KCNN2: variants seen among roughly 807,000 people sequenced by gnomAD.
The protein encoded by KCNN2 is potassium calcium-activated channel subfamily N member 2.
Under a neutral mutation model 55.5 loss-of-function variants are expected in KCNN2, and 24 were observed. That is an observed-to-expected ratio of 0.43 (90% confidence interval 0.31 to 0.61). The LOEUF is 0.61. Among genes scored for constraint, KCNN2 ranks in the 20% least tolerant of loss-of-function variants. The probability of loss-of-function intolerance (pLI) is 0.08; values close to 1 mark genes in which losing one functional copy is unlikely to be tolerated. For missense variants in KCNN2, 754 were observed against 853.6 expected (o/e 0.88, Z 1.45); for synonymous variants, 431 against 336.1 (o/e 1.28, Z -3.09).
At chr5:114,176,891 G>T (rs963821980) in intron 1 of KCNN2, among the ~76,000 whole-genome samples, 3 of 151,906 alleles carry the variant, frequency 2.0e-5, no homozygotes, top group African/African-American at 7.3e-5. Context: ...AGTTAATATA[G>T]AACTTTACCT....
rs150495473 is a variant in KCNN2, at chr5:114,495,951, C to G, written c.2145C>G (p.Phe715Leu). 59 of 1,613,964 alleles carry G rather than the reference C, an allele frequency of 3.7e-5. No individual in the cohort carries two copies. In the African/African-American group the frequency reaches 7.2e-4, roughly 20 times the overall value. The change falls in exon 8 of 8, where the codon TTC becomes TTG. Residue 715 changes from phenylalanine (F) to leucine (L), a missense_variant. Physicochemically the swap from Phe to Leu is conservative, Grantham distance 22. Transcript: ENST00000673685. Reference protein sequence around the residue: ...ISDLNERSEDFEKRIVTLETK... With the variant: ...ISDLNERSEDLEKRIVTLETK... ...ACTTAAACGAAAGGAGTGAAGACTT[C>G]GAGAAGAGGATTGTTACCCTGGAAA...
chr5:114,077,767 G>T (rs1409908162), intron 1 of KCNN2, among the ~76,000 whole-genome samples: 1 of 152,162 alleles, frequency 6.6e-6, no homozygotes, highest in Non-Finnish European at 1.5e-5. Flanking sequence ...GATAAAGCAG[G>T]TGTTTGAAAA....
At chr5:114,316,541 C>T (rs1421777702) in intron 2 of KCNN2, among the ~76,000 whole-genome samples, 1 of 152,134 alleles carries the variant, frequency 6.6e-6, no homozygotes, top group Admixed American at 6.5e-5. Context: ...TTGTTGGGTA[C>T]TTTTCCAGCA....
chr5:114,490,377 CTTG>C (rs1258232515), intron 6 of KCNN2, among the ~76,000 whole-genome samples: 2 of 152,148 alleles, frequency 1.3e-5, no homozygotes, highest in African/African-American at 2.4e-5. Context: ...AAAAATATTT[CTTG>C]TTGTTTACTT....
intron 2 of KCNN2, among the ~76,000 whole-genome samples, chr5:114,368,051 AT>A (rs949453736): frequency 1.6e-3 from 243 of 150,140 alleles, no homozygotes; most frequent in African/African-American, 5.6e-3. Context: ...TTATACACAG[AT>A]TTTTTTTTTC....
At chr5:114,440,050 AG>A (rs1238392406) in intron 3 of KCNN2, among the ~76,000 whole-genome samples, 32 of 152,288 alleles carry the variant, frequency 2.1e-4, no homozygotes, top group African/African-American at 7.7e-4. Context: ...ATAAGACATA[AG>A]CCTCCCTCCA....
intron 1 of KCNN2, among the ~76,000 whole-genome samples, chr5:114,162,154 T>C (rs1395423014): frequency 5.9e-5 from 9 of 152,180 alleles, no homozygotes; most frequent in African/African-American, 1.4e-4. Flanking sequence ...TGGTCTTTGA[T>C]GATGGTGATG....
intron 1 of KCNN2, among the ~76,000 whole-genome samples, chr5:114,178,393 G>A (rs1259644490): frequency 6.6e-6 from 1 of 152,130 alleles, no homozygotes; most frequent in Non-Finnish European, 1.5e-5. Context: ...GCTCAGCTAT[G>A]TAATTATATT....
chr5:114,126,383 A>G (rs1751930542), intron 1 of KCNN2, among the ~76,000 whole-genome samples: 1 of 152,104 alleles, frequency 6.6e-6, no homozygotes, highest in East Asian at 1.9e-4. Context: ...CAGAAGGGGA[A>G]GCAAACATGG....
intron 5 of KCNN2, among the ~76,000 whole-genome samples, chr5:114,482,790 A>C (rs553202944): frequency 1.3e-5 from 2 of 152,234 alleles, no homozygotes; most frequent in East Asian, 3.9e-4. Context: ...AAAATCAAAC[A>C]CTACATGTTC....
chr5:114,272,425 GTACGTACA>G (rs1580680412), intron 2 of KCNN2, among the ~76,000 whole-genome samples: 1 of 8,736 alleles, frequency 1.1e-4, no homozygotes, highest in African/African-American at 1.4e-4. Context: ...ACACACATAT[GTACGTACA>G]TATCATATAC....
chr5:114,438,336 G>A (rs1357276038), intron 3 of KCNN2, among the ~76,000 whole-genome samples: 1 of 152,188 alleles, frequency 6.6e-6, no homozygotes, highest in East Asian at 1.9e-4. Context: ...ATCACTCCAT[G>A]TGACTAGATG....
At position 114,293,681 on chromosome 5, in the gene KCNN2, T is replaced by C. The variant is rs561412066; in HGVS notation, c.-184-67264T>C. Among the ~76,000 whole-genome samples the C allele has an allele frequency of 3.3e-4, 51 of 152,332 alleles. No individual in the cohort carries two copies. In the South Asian group the frequency reaches 6.8e-3, roughly 20 times the overall value. ...TTTTTGTTGTGTCTCTGCGAGGCTT[T>C]GGTATCAGGATGATGCTGGCCTCAT... is the stretch of plus-strand genomic sequence containing the variant. On this transcript the variant is annotated intron_variant, in intron 2 of 10. Transcript: ENST00000512097.
chr5:114,078,051 C>T (rs913091057), intron 1 of KCNN2, among the ~76,000 whole-genome samples: 18 of 152,156 alleles, frequency 1.2e-4, no homozygotes, highest in Admixed American at 6.5e-5. Flanking sequence ...ACGATCAGTA[C>T]AGTTATGTTG....
intron 1 of KCNN2, among the ~76,000 whole-genome samples, chr5:114,093,678 C>T (rs915488143): frequency 2.6e-5 from 4 of 152,156 alleles, no homozygotes; most frequent in African/African-American, 9.7e-5. Flanking sequence ...CATAAGGTGA[C>T]AGGAAGGAGA....
intron 1 of KCNN2, among the ~76,000 whole-genome samples, chr5:114,117,830 T>A (rs531302377): frequency 1.3e-5 from 2 of 152,340 alleles, no homozygotes; most frequent in East Asian, 3.9e-4. Context: ...ATTTAATCCC[T>A]TGATCTTCAG....
chr5:114,216,567 C>A (rs1368528936), intron 1 of KCNN2, among the ~76,000 whole-genome samples: 2 of 151,972 alleles, frequency 1.3e-5, no homozygotes, highest in African/African-American at 4.8e-5. Flanking sequence ...TCAATAGATA[C>A]AGAAAAAGCA....
At chr5:114,278,558 A>G (rs1411383297) in intron 2 of KCNN2, among the ~76,000 whole-genome samples, 2 of 152,172 alleles carry the variant, frequency 1.3e-5, no homozygotes, top group Admixed American at 1.3e-4. Flanking sequence ...AGAACCACCT[A>G]CTTAAGCCTC....
chr5:114,139,641 A>G (rs1387765912), intron 1 of KCNN2, among the ~76,000 whole-genome samples: 2 of 150,990 alleles, frequency 1.3e-5, no homozygotes, highest in African/African-American at 2.4e-5. Flanking sequence ...GCTAAATAAT[A>G]TAGTATTTAC....
Sources: gnomAD v4.1 joint callset for allele counts (sites outside exome capture counted in the v4.1 genomes callset) on GRCh38, gnomAD v4.1.1 for gene constraint, MANE v1.5 for transcripts, NCBI Gene and HGNC (gene_info 2026-07-23, HGNC 2026-07-21) for gene names.